Variants in CNTN5 observed in about 807,000 individuals in gnomAD.
The protein encoded by CNTN5 is contactin-5.
In CNTN5, 77 loss-of-function variants were observed where a neutral mutation model predicts 129.1. The ratio of observed to expected loss-of-function variants is 0.60; its 90% CI spans 0.50 to 0.72. The LOEUF (loss-of-function observed/expected upper bound fraction) is 0.72, where lower values mean the gene tolerates loss of function less well. Ranked by LOEUF, CNTN5 falls within the 30% of genes least tolerant of loss-of-function variation. CNTN5 has a pLI of 0.00. For synonymous variants in CNTN5, 509 were observed against 465.6 expected, an observed-to-expected ratio of 1.09 and a Z score of -1.20; for missense variants, 1,478 against 1,328.8, an observed-to-expected ratio of 1.11 and a Z score of -1.75.
intron 3 of CNTN5, among the ~76,000 whole-genome samples, chr11:99,781,005 A>C (rs1264844691): frequency 1.3e-5 from 2 of 152,048 alleles, no homozygotes; most frequent in Non-Finnish European, 2.9e-5. Flanking sequence ...TCATGTTCCC[A>C]TAAAAATATT....
chr11:99,257,970 A>G (rs1862452192), intron 1 of CNTN5, among the ~76,000 whole-genome samples: 2 of 152,084 alleles, frequency 1.3e-5, no homozygotes, highest in Admixed American at 6.6e-5. Context: ...AAGGTCCCAC[A>G]GGGATAGAAG....
At chr11:99,666,674 C>A (rs1170787181) in intron 3 of CNTN5, among the ~76,000 whole-genome samples, 1 of 152,118 alleles carries the variant, frequency 6.6e-6, no homozygotes, top group Non-Finnish European at 1.5e-5. Context: ...ATGGATGTGT[C>A]ATCAGAAGAA....
chr11:99,730,769 T>C (rs1943504053), intron 3 of CNTN5, among the ~76,000 whole-genome samples: 1 of 152,224 alleles, frequency 6.6e-6, no homozygotes, highest in Non-Finnish European at 1.5e-5. Flanking sequence ...AGGATATCTA[T>C]CACCTCAAAC....
chr11:99,417,488 C>T (rs926836246), intron 2 of CNTN5, among the ~76,000 whole-genome samples: 1 of 152,066 alleles, frequency 6.6e-6, no homozygotes, highest in Non-Finnish European at 1.5e-5. Context: ...GCTAGAAATG[C>T]ACAAAAGATG....
At chr11:99,305,651 T>G (rs976353668) in intron 1 of CNTN5, among the ~76,000 whole-genome samples, 3 of 152,132 alleles carry the variant, frequency 2.0e-5, no homozygotes, top group Admixed American at 1.3e-4. Flanking sequence ...ATTTATATAA[T>G]AAGAAGAAAA....
At chr11:99,618,554 A>G (rs988036343) in intron 3 of CNTN5, among the ~76,000 whole-genome samples, 3 of 152,212 alleles carry the variant, frequency 2.0e-5, no homozygotes, top group African/African-American at 7.2e-5. Context: ...AAGAATTTCT[A>G]TCTTCAGCAC....
intron 2 of CNTN5, among the ~76,000 whole-genome samples, chr11:99,342,897 GTC>G (rs1251535298): frequency 2.0e-5 from 3 of 152,052 alleles, no homozygotes; most frequent in African/African-American, 7.2e-5. Flanking sequence ...ATATTACTGA[GTC>G]TGTGTAGAAA....
intron 3 of CNTN5, among the ~76,000 whole-genome samples, chr11:99,590,788 A>G (rs1949954656): frequency 6.6e-6 from 1 of 152,252 alleles, no homozygotes; most frequent in Admixed American, 6.5e-5. Flanking sequence ...GCTAATGCCA[A>G]TCATCTTGAC....
In CNTN5 at chr11:99,576,437, T is replaced by C. The variant is rs948368101; in HGVS notation, c.55+20168T>C. 3.3e-5 allele frequency among the ~76,000 whole-genome samples: 5 copies of C among 152,220 alleles called. 1 individual carries two copies. Among genetic ancestry groups the C allele is most frequent in the Admixed American group, 3.3e-4 (5 of 15,276 alleles). The stretch of plus-strand genomic sequence containing the variant: ...CATATACTTGGATATTTTCTCCTTA[T>C]TGACATATAACCCTTTTGGTAGCCT... On this transcript the variant is annotated intron_variant, in intron 3 of 24. Transcript: ENST00000524871.
At chr11:99,864,188 T>A (rs186549905) in intron 6 of CNTN5, among the ~76,000 whole-genome samples, 1 of 152,166 alleles carries the variant, frequency 6.6e-6, no homozygotes, top group Non-Finnish European at 1.5e-5. Context: ...TAGTCACTTA[T>A]ATACTTGTTT....
chr11:100,236,453 A>G (rs970381185), intron 16 of CNTN5, among the ~76,000 whole-genome samples: 15 of 152,196 alleles, frequency 9.9e-5, no homozygotes, highest in African/African-American at 3.4e-4. Flanking sequence ...GATTTGCCCA[A>G]TGTTTCCCCT....
intron 2 of CNTN5, among the ~76,000 whole-genome samples, chr11:99,471,383 G>A (rs1945166811): frequency 6.6e-6 from 1 of 151,946 alleles, no homozygotes; most frequent in Non-Finnish European, 1.5e-5. Context: ...GTACTTTCTG[G>A]ATCATATTTT....
At chr11:99,331,215 C>T (rs1177620664) in intron 2 of CNTN5, among the ~76,000 whole-genome samples, 1 of 152,058 alleles carries the variant, frequency 6.6e-6, no homozygotes, top group African/African-American at 2.4e-5. Flanking sequence ...GCTCAGAGAA[C>T]ATTTTCTGCC....
At chr11:99,089,633 C>G (rs1565308777) in intron 1 of CNTN5, among the ~76,000 whole-genome samples, 2 of 152,132 alleles carry the variant, frequency 1.3e-5, no homozygotes, top group African/African-American at 2.4e-5. Context: ...ATTAAATAAG[C>G]TACCAGTTAG....
intron 24 of CNTN5, among the ~76,000 whole-genome samples, chr11:100,352,190 C>T (rs952147210): frequency 4.0e-5 from 6 of 151,524 alleles, no homozygotes; most frequent in Admixed American, 1.3e-4. Context: ...CTCTGATAGG[C>T]CCTAGCGTGT....
At chr11:99,903,858 T>C (rs908027210) in intron 6 of CNTN5, among the ~76,000 whole-genome samples, 11 of 152,042 alleles carry the variant, frequency 7.2e-5, no homozygotes, top group African/African-American at 2.7e-4. Flanking sequence ...AATGGGCAAA[T>C]GAGCTGAATA....
intron 13 of CNTN5, among the ~76,000 whole-genome samples, chr11:100,126,537 CTCTG>C (rs35126629): frequency 0.34 from 48,884 of 144,100 alleles, 8,748 homozygotes; most frequent in East Asian, 0.49. Flanking sequence ...TATTGTCCTT[CTCTG>C]TCTTTTTTTT....
chr11:100,143,046 A>G (rs61908130), intron 13 of CNTN5, among the ~76,000 whole-genome samples: 19,782 of 152,156 alleles, frequency 0.13, 1,280 homozygotes, highest in African/African-American at 0.15. Flanking sequence ...GTCTCCCAAA[A>G]TATTTCAGTA....
chr11:99,610,525 G>C (rs923241325), intron 3 of CNTN5, among the ~76,000 whole-genome samples: 2 of 152,164 alleles, frequency 1.3e-5, no homozygotes, highest in Non-Finnish European at 2.9e-5. Context: ...AAATTAGTTT[G>C]TAAGAAGTCG....
Sources: allele counts gnomAD v4.1 joint callset (sites outside exome capture counted in the v4.1 genomes callset), GRCh38; gene constraint gnomAD v4.1.1; transcripts MANE v1.5; gene names NCBI Gene and HGNC (gene_info 2026-07-23, HGNC 2026-07-21).